The following GRIA4 variants were observed in gnomAD, a reference collection of about 807,000 sequenced individuals.
GRIA4 encodes glutamate receptor 4.
A neutral mutation model predicts 104.0 loss-of-function variants in GRIA4; 34 were observed. The observed-to-expected ratio is 0.33, with a 90% CI of 0.25 to 0.44. GRIA4 has a LOEUF of 0.44. Ranked by LOEUF, GRIA4 falls within the 20% of genes least tolerant of loss-of-function variation. The pLI, the probability that GRIA4 is intolerant of heterozygous loss-of-function variation, is 1.00. For synonymous variants in GRIA4, 386 were observed against 381.9 expected, an observed-to-expected ratio of 1.01 and a Z score of -0.13; for missense variants, 750 against 1,096.5, an observed-to-expected ratio of 0.68 and a Z score of 4.46.
chr11:105,923,068 C>G (rs191107326), intron 11 of GRIA4, among the ~76,000 whole-genome samples: 10 of 152,170 alleles, frequency 6.6e-5, no homozygotes, highest in Admixed American at 2.0e-4. Context: ...TTCTAACCCC[C>G]CAGTTGCCCT....
At chr11:105,968,122 C>T (rs1369336193) in intron 14 of GRIA4, among the ~76,000 whole-genome samples, 1 of 152,208 alleles carries the variant, frequency 6.6e-6, no homozygotes, top group Non-Finnish European at 1.5e-5. Context: ...GAAATCCTGG[C>T]TTAGCTGACC....
intron 11 of GRIA4, 56 bp downstream of exon 11, chr11:105,918,974 C>A: frequency 9.7e-7 from 1 of 1,032,450 alleles, no homozygotes; most frequent in East Asian, 2.4e-5. Flanking sequence ...ACTTCTTTTC[C>A]CTTGGGCACA....
intron 5 of GRIA4, among the ~76,000 whole-genome samples, chr11:105,873,550 A>G (rs565090161): frequency 1.7e-4 from 26 of 152,200 alleles, no homozygotes; most frequent in African/African-American, 6.3e-4. Context: ...AACAGTGTAA[A>G]ATTGTTTCCA....
intron 6 of GRIA4, among the ~76,000 whole-genome samples, chr11:105,890,659 A>G (rs923220053): frequency 6.6e-6 from 1 of 152,286 alleles, no homozygotes; most frequent in African/African-American, 2.4e-5. Flanking sequence ...AAAGAAGTAG[A>G]AATCCTTTCC....
intron 14 of GRIA4, among the ~76,000 whole-genome samples, chr11:105,941,723 T>G (rs1177573004): frequency 6.6e-6 from 1 of 152,132 alleles, no homozygotes; most frequent in African/African-American, 2.4e-5. Context: ...ACAAACAGCT[T>G]CTGACTTTCA....
At chr11:105,697,796 G>C (rs142878725) in intron 3 of GRIA4, among the ~76,000 whole-genome samples, 1 of 152,200 alleles carries the variant, frequency 6.6e-6, no homozygotes, top group East Asian at 1.9e-4. Context: ...CGTTTTCTTA[G>C]ATGAGTCATG....
intron 3 of GRIA4, among the ~76,000 whole-genome samples, chr11:105,647,974 A>ATAAATAAATAAG (rs1951577899): frequency 6.6e-6 from 1 of 151,582 alleles, no homozygotes; most frequent in South Asian, 2.1e-4. Flanking sequence ...AAATAAATAA[A>ATAAATAAATAAG]TAAATAAATA....
intron 3 of GRIA4, among the ~76,000 whole-genome samples, chr11:105,644,437 CA>C (rs5794415): frequency 0.46 from 56,969 of 123,782 alleles, 11,486 homozygotes; most frequent in Admixed American, 0.57. Context: ...ACTAAAGATA[CA>C]AAAAAAAAAA....
Position 105,728,776 on chromosome 11 carries a change from C to T in GRIA4, c.248-24205C>T, listed in dbSNP as rs1241457836. On this transcript the variant is annotated intron_variant, in intron 3 of 16. Coordinates refer to ENST00000282499, the MANE Select transcript of GRIA4 (RefSeq NM_000829.4). ...TGCTGGATAAATAACGAAATTAAGGCAGAAATAAATAAGTTCCTTGAAACT... is the reference window on the plus strand; with the variant it reads ...TGCTGGATAAATAACGAAATTAAGGTAGAAATAAATAAGTTCCTTGAAACT... Among the ~76,000 whole-genome samples the T allele has an allele frequency of 4.6e-5, 7 of 152,086 alleles. No individual in the cohort carries two copies. The South Asian group carries it at 1.4e-3, about 32-fold the overall frequency.
At chr11:105,920,692 A>G (rs1472897864) in intron 11 of GRIA4, among the ~76,000 whole-genome samples, 1 of 152,162 alleles carries the variant, frequency 6.6e-6, no homozygotes, top group Non-Finnish European at 1.5e-5. Context: ...ACAATAACAA[A>G]AAGTCCCAAA....
chr11:105,962,930 G>A (rs1009240686), intron 14 of GRIA4, among the ~76,000 whole-genome samples: 23 of 151,998 alleles, frequency 1.5e-4, no homozygotes, highest in African/African-American at 4.8e-4. Flanking sequence ...TTATCTGCTT[G>A]GCAGATCACT....
At chr11:105,779,700 G>A (rs1375043822) in intron 4 of GRIA4, among the ~76,000 whole-genome samples, 3 of 151,486 alleles carry the variant, frequency 2.0e-5, no homozygotes, top group Non-Finnish European at 4.4e-5. Flanking sequence ...AGCCTGCATT[G>A]CCAAGTCAAT....
intron 3 of GRIA4, among the ~76,000 whole-genome samples, chr11:105,711,557 G>A (rs912986298): frequency 3.3e-5 from 5 of 151,926 alleles, no homozygotes; most frequent in East Asian, 1.9e-4. Flanking sequence ...TACTCTCACC[G>A]GCGAAATAAC....
At chr11:105,920,897 C>G (rs370293750) in intron 11 of GRIA4, among the ~76,000 whole-genome samples, 15 of 152,190 alleles carry the variant, frequency 9.9e-5, no homozygotes, top group African/African-American at 3.6e-4. Flanking sequence ...ATTTTGGTGT[C>G]TGCAAAGTCT....
chr11:105,754,567 T>C (rs898842513), intron 4 of GRIA4, among the ~76,000 whole-genome samples: 36 of 152,150 alleles, frequency 2.4e-4, no homozygotes, highest in African/African-American at 8.7e-4. Flanking sequence ...GGTGAATAAC[T>C]CACATATTGC....
At chr11:105,934,745 C>T (rs986326369) in intron 14 of GRIA4, among the ~76,000 whole-genome samples, 2 of 152,098 alleles carry the variant, frequency 1.3e-5, no homozygotes, top group African/African-American at 4.8e-5. Flanking sequence ...TCCTTTTGGT[C>T]CTGGACATAG....
intron 3 of GRIA4, among the ~76,000 whole-genome samples, chr11:105,739,242 T>TAA (rs1337028020): frequency 6.6e-6 from 1 of 152,210 alleles, no homozygotes; most frequent in Non-Finnish European, 1.5e-5. Flanking sequence ...GTTTCCATTA[T>TAA]GATGGCCTGA....
In GRIA4 at chr11:105,762,410, G is replaced by C. The variant is rs567105397; in HGVS notation, c.487+9190G>C. ...GTTGCTGACAATTGTTTTCTGGATG[G>C]TTTTGCCTCTAATTAGTGAGTGATT... On this transcript the variant is annotated intron_variant, in intron 4 of 16. Transcript: ENST00000282499. 3.3e-5 allele frequency among the ~76,000 whole-genome samples: 5 copies of C among 152,272 alleles called. No homozygotes were observed. In the South Asian group the frequency reaches 1.0e-3, roughly 32 times the overall value.
intron 10 of GRIA4, among the ~76,000 whole-genome samples, chr11:105,916,347 G>A (rs1413508188): frequency 6.6e-6 from 1 of 152,148 alleles, no homozygotes; most frequent in Non-Finnish European, 1.5e-5. Flanking sequence ...AGTGTCAAAA[G>A]TAAATGAAAA....
Sources: gnomAD v4.1 joint callset for allele counts (sites outside exome capture counted in the v4.1 genomes callset) on GRCh38, gnomAD v4.1.1 for gene constraint, MANE v1.5 for transcripts, NCBI Gene and HGNC (gene_info 2026-07-23, HGNC 2026-07-21) for gene names.